Variants in QTMAN observed in about 807,000 individuals in gnomAD.
QTMAN encodes queuosine-tRNA mannosyltransferase, also known as tRNA-queuosine alpha-mannosyltransferase.
the QTMAN span, among the ~76,000 whole-genome samples, chr2:143,987,319 T>C: frequency 6.6e-6 from 1 of 152,202 alleles, no homozygotes; most frequent in Non-Finnish European, 1.5e-5. Flanking sequence ...ACAAACACTA[T>C]TTCCATTTCT....
chr2:144,165,496 T>C, the QTMAN span, among the ~76,000 whole-genome samples: 1 of 152,202 alleles, frequency 6.6e-6, no homozygotes. Context: ...TCACTACCAT[T>C]ATGAACATAA....
the QTMAN span, among the ~76,000 whole-genome samples, chr2:144,085,837 T>C: frequency 9.8e-3 from 1,495 of 152,234 alleles, 24 homozygotes; most frequent in African/African-American, 0.034. Flanking sequence ...AGAAAAATAA[T>C]TTCAAAACTG....
the QTMAN span, among the ~76,000 whole-genome samples, chr2:144,230,744 T>C: frequency 6.6e-6 from 1 of 152,168 alleles, no homozygotes; most frequent in African/African-American, 2.4e-5. Context: ...TAGCCACTTT[T>C]TGATGCATTT....
chr2:144,180,057 G>C, the QTMAN span, among the ~76,000 whole-genome samples: 2 of 152,102 alleles, frequency 1.3e-5, no homozygotes, highest in Non-Finnish European at 2.9e-5. Flanking sequence ...ATGAAGTTAG[G>C]AACATTACTC....
chr2:144,217,185 A>C, the QTMAN span, among the ~76,000 whole-genome samples: 1 of 152,094 alleles, frequency 6.6e-6, no homozygotes, highest in Non-Finnish European at 1.5e-5. Context: ...TCAGAATAAT[A>C]GGTGCAAGGA....
At chr2:144,031,913 G>A in the QTMAN span, among the ~76,000 whole-genome samples, 1 of 151,898 alleles carries the variant, frequency 6.6e-6, no homozygotes, top group South Asian at 2.1e-4. Flanking sequence ...TGCGCCACAC[G>A]TTTAGGTGTG....
chr2:144,229,042 T>A, the QTMAN span, among the ~76,000 whole-genome samples: 1 of 152,188 alleles, frequency 6.6e-6, no homozygotes, highest in African/African-American at 2.4e-5. Flanking sequence ...AAATCAATGG[T>A]TCTGTTTTAG....
chr2:144,174,755 T>A, the QTMAN span, among the ~76,000 whole-genome samples: 3 of 152,302 alleles, frequency 2.0e-5, no homozygotes. Context: ...CCTGGTGCCA[T>A]GTAAGGCGTG....
chr2:144,229,568 G>A, the QTMAN span, among the ~76,000 whole-genome samples: 1 of 152,172 alleles, frequency 6.6e-6, no homozygotes, highest in Non-Finnish European at 1.5e-5. Context: ...GAGGGAAGGA[G>A]AGTGAGAGTC....
At chr2:144,110,806 T>C in the QTMAN span, among the ~76,000 whole-genome samples, 1 of 151,520 alleles carries the variant, frequency 6.6e-6, no homozygotes, top group Non-Finnish European at 1.5e-5. Context: ...GCAGCAGGAG[T>C]GATATCATCT....
chr2:144,231,570 T>C, the QTMAN span, among the ~76,000 whole-genome samples: 1 of 152,106 alleles, frequency 6.6e-6, no homozygotes, highest in African/African-American at 2.4e-5. Context: ...ATAAATTCTA[T>C]TCTACAAAAA....
the QTMAN span, among the ~76,000 whole-genome samples, chr2:144,289,274 G>A: frequency 2.0e-5 from 3 of 152,204 alleles, no homozygotes; most frequent in South Asian, 4.1e-4. Flanking sequence ...TGATCCGCCC[G>A]CCTCGGCCTC....
chr2:144,108,749 G>A, the QTMAN span, among the ~76,000 whole-genome samples: 19 of 151,942 alleles, frequency 1.3e-4, no homozygotes, highest in Non-Finnish European at 2.6e-4. Context: ...AAAATCACAA[G>A]CATGCTTATA....
the QTMAN span, among the ~76,000 whole-genome samples, chr2:144,063,042 T>G: frequency 6.6e-6 from 1 of 152,192 alleles, no homozygotes; most frequent in Non-Finnish European, 1.5e-5. Context: ...TAGAGTCATT[T>G]TGAGATATTT....
chr2:144,008,244 T>A, the QTMAN span, among the ~76,000 whole-genome samples: 2 of 151,962 alleles, frequency 1.3e-5, no homozygotes, highest in Admixed American at 6.6e-5. Flanking sequence ...CCATTAGTGC[T>A]TAGAGAAGAG....
chr2:144,166,812 T>C, the QTMAN span, among the ~76,000 whole-genome samples: 1 of 152,232 alleles, frequency 6.6e-6, no homozygotes, highest in Non-Finnish European at 1.5e-5. Context: ...AATGAGTTCC[T>C]AGTTCCCACA....
chr2:143,955,063 G>A, the QTMAN span, among the ~76,000 whole-genome samples: 5 of 152,084 alleles, frequency 3.3e-5, no homozygotes, highest in East Asian at 3.9e-4. Context: ...GCTCTCAGTC[G>A]CATTATCTAG....
chr2:144,246,789 T>C, the QTMAN span, among the ~76,000 whole-genome samples: 1 of 152,022 alleles, frequency 6.6e-6, no homozygotes, highest in Non-Finnish European at 1.5e-5. Context: ...CTCCTCTTCA[T>C]CCTCCTCATC....
chr2:144,106,904 G>A, the QTMAN span, among the ~76,000 whole-genome samples: 93 of 152,236 alleles, frequency 6.1e-4, no homozygotes, highest in African/African-American at 2.2e-3. Context: ...ATAACAAACT[G>A]TCTCTCAGAC....
Sources: gnomAD v4.1 joint callset for allele counts (sites outside exome capture counted in the v4.1 genomes callset) on GRCh38, gnomAD v4.1.1 for gene constraint, MANE v1.5 for transcripts, NCBI Gene and HGNC (gene_info 2026-07-23, HGNC 2026-07-21) for gene names.